Variants in ZNF385B observed in about 807,000 individuals in gnomAD.
ZNF385B encodes the protein zinc finger protein 385B.
ZNF385B carries 23 observed loss-of-function variants against 39.2 expected under a neutral mutation model. The observed-to-expected ratio is 0.59, with a 90% CI of 0.42 to 0.83. The LOEUF (loss-of-function observed/expected upper bound fraction) is 0.83. Ranked by LOEUF, ZNF385B falls within the 40% of genes least tolerant of loss-of-function variation. ZNF385B has a pLI of 0.00. For synonymous variants in ZNF385B, 205 were observed against 222.6 expected, an observed-to-expected ratio of 0.92 and a Z score of 0.70; for missense variants, 552 against 598.9, an observed-to-expected ratio of 0.92 and a Z score of 0.82.
In ZNF385B at chr2:179,550,960, T is replaced by C. The variant is rs2060524303; in HGVS notation, c.299-5991A>G. Among the ~76,000 whole-genome samples, 3 of 152,196 alleles carry C rather than the reference T, an allele frequency of 2.0e-5. No individual in the cohort carries two copies. In the South Asian group the frequency reaches 6.2e-4, roughly 32 times the overall value. ...TGCTGAGAAAAAAATGTTGAAAATA[T>C]AATGAGCAGGCATTTCAATGCAAAA... On this transcript the variant is annotated intron_variant, in intron 3 of 9. Coordinates refer to ENST00000410066, the MANE Select transcript of ZNF385B (RefSeq NM_152520.6).
intron 3 of ZNF385B, among the ~76,000 whole-genome samples, chr2:179,636,310 T>A (rs11901866): frequency 0.18 from 27,750 of 152,088 alleles, 3,137 homozygotes; most frequent in South Asian, 0.29. Flanking sequence ...TGTGGTAGAA[T>A]CTAGAAGCCA....
intron 3 of ZNF385B, among the ~76,000 whole-genome samples, chr2:179,603,955 C>G (rs1471977856): frequency 6.6e-6 from 1 of 152,140 alleles, no homozygotes; most frequent in Non-Finnish European, 1.5e-5. Context: ...GACATTTATT[C>G]AATACACAGA....
rs200734185 is a variant in ZNF385B, at chr2:179,588,100, T to C, written c.299-43131A>G. On this transcript the variant is annotated intron_variant, in intron 3 of 9. Transcript: ENST00000410066. ...AGGCCCTTCTCTCTTTTATTTTTTT[T>C]CCCCCCAAGACAGAGTCTCGCTCTG... Among the ~76,000 whole-genome samples, 1,203 of 152,072 alleles carry C rather than the reference T, an allele frequency of 7.9e-3. 13 individuals are homozygous for C. Among genetic ancestry groups the C allele is most frequent in the African/African-American group, 0.028 (1,158 of 41,482 alleles).
chr2:179,538,530 C>T (rs2059725850), intron 4 of ZNF385B, among the ~76,000 whole-genome samples: 1 of 152,002 alleles, frequency 6.6e-6, no homozygotes, highest in African/African-American at 2.4e-5. Flanking sequence ...AAAAAATATT[C>T]ATCAATATTG....
chr2:179,699,240 C>T lies in ZNF385B; in HGVS notation c.298+70263G>A, dbSNP rs867419587. Among the ~76,000 whole-genome samples, 5 of 152,198 alleles carry T rather than the reference C, an allele frequency of 3.3e-5. No homozygotes were observed. In the South Asian group the frequency reaches 1.0e-3, roughly 32 times the overall value. ...CACTTCTAGAACTTTTTCATTTTCT[C>T]AAACTGAAACTCACTCCATTAAATA... On this transcript the variant is annotated intron_variant, in intron 3 of 9. Transcript: ENST00000410066.
chr2:179,765,740 T>A (rs554532842), intron 3 of ZNF385B, among the ~76,000 whole-genome samples: 1 of 152,164 alleles, frequency 6.6e-6, no homozygotes, highest in Non-Finnish European at 1.5e-5. Context: ...AGGATCTTAC[T>A]GCCTTTGTGG....
intron 3 of ZNF385B, among the ~76,000 whole-genome samples, chr2:179,556,164 T>C (rs903947550): frequency 6.7e-6 from 1 of 148,524 alleles, no homozygotes; most frequent in Non-Finnish European, 1.5e-5. Context: ...TACCTGAATA[T>C]CTTGCCCACT....
chr2:179,562,296 TTTCTC>T (rs1169325742), intron 3 of ZNF385B: 5 of 804,188 alleles, frequency 6.2e-6, no homozygotes, highest in African/African-American at 5.6e-5. Context: ...TTCTGATACT[TTTCTC>T]TTTTTCTGAA....
intron 5 of ZNF385B, among the ~76,000 whole-genome samples, chr2:179,495,584 C>A (rs1304562611): frequency 6.6e-6 from 1 of 152,190 alleles, no homozygotes; most frequent in East Asian, 1.9e-4. Context: ...TAGGTCTCAC[C>A]CAGCACAGTC....
chr2:179,672,843 A>AT (rs1228811319), intron 3 of ZNF385B, among the ~76,000 whole-genome samples: 1 of 152,138 alleles, frequency 6.6e-6, no homozygotes, highest in Non-Finnish European at 1.5e-5. Context: ...AGTTTAAGAC[A>AT]TTTTTTTGTT....
At chr2:179,539,026 C>T in intron 4 of ZNF385B, among the ~76,000 whole-genome samples, 1 of 152,240 alleles carries the variant, frequency 6.6e-6, no homozygotes, top group East Asian at 1.9e-4. Context: ...ACTTCACTTA[C>T]TTACTGTCAC....
At chr2:179,801,624 T>G (rs766964278) in intron 1 of ZNF385B, among the ~76,000 whole-genome samples, 56 of 152,146 alleles carry the variant, frequency 3.7e-4, no homozygotes, top group Non-Finnish European at 4.3e-4. Context: ...CTAATTCAAT[T>G]TTGAACCTCT....
intron 3 of ZNF385B, among the ~76,000 whole-genome samples, chr2:179,634,973 C>CAAAAAAAA (rs66671134): frequency 8.6e-5 from 10 of 115,614 alleles, no homozygotes; most frequent in East Asian, 2.7e-4. Flanking sequence ...ACTAAAAATA[C>CAAAAAAAA]AAAAAAAAAA....
intron 1 of ZNF385B, among the ~76,000 whole-genome samples, chr2:179,815,925 T>C (rs1707035462): frequency 6.6e-6 from 1 of 152,146 alleles, no homozygotes; most frequent in Admixed American, 6.5e-5. Context: ...TTTGTGCCTC[T>C]TACATCCATT....
rs148327193 is a variant in ZNF385B at position 179,609,921 on chromosome 2, C to G, written c.299-64952G>C. 4.1e-3 allele frequency among the ~76,000 whole-genome samples: 630 copies of G among 152,138 alleles called. 1 individual carries two copies. Among genetic ancestry groups the G allele is most frequent in the Non-Finnish European group, 6.9e-3 (469 of 67,934 alleles). On this transcript the variant is annotated intron_variant, in intron 3 of 9. Coordinates refer to ENST00000410066, the MANE Select transcript of ZNF385B (RefSeq NM_152520.6). ...TTGCCCATTTTTAATCAGAATTTTT[C>G]TATAGAATTGCTTGAGTTCCATATA...
chr2:179,493,414 AATGCATGTGTACATATATGTACGTAT>A (rs1223956288), intron 5 of ZNF385B, among the ~76,000 whole-genome samples: 1 of 151,430 alleles, frequency 6.6e-6, no homozygotes, highest in Non-Finnish European at 1.5e-5. Context: ...TATGTACACA[AATGCATGTGTACATATATGTACGTAT>A]ATGCATGTGT....
intron 3 of ZNF385B, among the ~76,000 whole-genome samples, chr2:179,693,110 T>C (rs1469397923): frequency 2.0e-5 from 3 of 152,234 alleles, no homozygotes; most frequent in Non-Finnish European, 4.4e-5. Context: ...TCAGGCACAA[T>C]TTTTTCATAT....
intron 5 of ZNF385B, among the ~76,000 whole-genome samples, chr2:179,501,747 T>G (rs1342894908): frequency 6.6e-6 from 1 of 152,170 alleles, no homozygotes; most frequent in Non-Finnish European, 1.5e-5. Context: ...ATCGTATTGT[T>G]TGTAACTCAA....
chr2:179,543,195 CT>C (rs1190266672), intron 4 of ZNF385B, among the ~76,000 whole-genome samples: 1 of 152,124 alleles, frequency 6.6e-6, no homozygotes, highest in Non-Finnish European at 1.5e-5. Flanking sequence ...TCACTTGAAC[CT>C]GGAAGGTGGA....
Sources: gnomAD v4.1 joint callset for allele counts (sites outside exome capture counted in the v4.1 genomes callset) on GRCh38, gnomAD v4.1.1 for gene constraint, MANE v1.5 for transcripts, NCBI Gene and HGNC (gene_info 2026-07-23, HGNC 2026-07-21) for gene names.